The following MEIS1 variants were observed in gnomAD, a reference collection of about 807,000 sequenced individuals.
MEIS1 encodes the protein Meis homeobox 1.
A neutral mutation model predicts 50.8 loss-of-function variants in MEIS1; 5 were observed. The observed-to-expected ratio is 0.10, with a 90% CI of 0.05 to 0.21. The LOEUF is 0.21. Ranked by LOEUF, MEIS1 falls within the 10% of genes least tolerant of loss-of-function variation. The pLI is 1.00. For missense variants in MEIS1, 318 were observed against 517.3 expected, an observed-to-expected ratio of 0.61 and a Z score of 3.74; for synonymous variants, 176 against 179.3, an observed-to-expected ratio of 0.98 and a Z score of 0.15.
chr2:66,487,829 TACAAA>T (rs2103799812), intron 7 of MEIS1, among the ~76,000 whole-genome samples: 1 of 152,344 alleles, frequency 6.6e-6, no homozygotes, highest in East Asian at 1.9e-4. Flanking sequence ...AAAGTTTGCT[TACAAA>T]CCTAGCTAGA....
intron 7 of MEIS1, among the ~76,000 whole-genome samples, chr2:66,505,752 A>G (rs1051780383): frequency 1.3e-5 from 2 of 152,244 alleles, no homozygotes; most frequent in African/African-American, 4.8e-5. Context: ...TTAAATTATA[A>G]TTGCAGAAAG....
At position 66,435,566 on chromosome 2, in the gene MEIS1, T is replaced by C; in HGVS notation, c.-291T>C. 2.5e-6 allele frequency: 1 copy of C among 399,326 alleles called. No homozygotes were observed. Among genetic ancestry groups the C allele is most frequent in the South Asian group, 1.3e-4 (1 of 7,790 alleles). The allele number at this position is 399,326 out of a possible 1,614,324, so 24.7% of individuals were successfully genotyped here. On this transcript the variant is annotated 5_prime_UTR_variant, in exon 1 of 13. Transcript: ENST00000272369. ...CTTTTCTTTCTTTCTTTCTTTTTTT[T>C]TTTTTAAACTGATTTTTGGGGGAGA...
rs559111486 is a variant in MEIS1 at position 66,498,745 on chromosome 2, T to C, written c.743-13404T>C. Among the ~76,000 whole-genome samples, 6 of 152,282 alleles carry C rather than the reference T, an allele frequency of 3.9e-5. No individual in the cohort carries two copies. The South Asian group carries it at 1.2e-3, about 32-fold the overall frequency. ...ATTCATGTGCACCCAGCACACTTTCTAGCTTTATTTGCCTGGAGGGGAAGA... is the reference window on the plus strand; with the variant it reads ...ATTCATGTGCACCCAGCACACTTTCCAGCTTTATTTGCCTGGAGGGGAAGA... On this transcript the variant is annotated intron_variant, in intron 7 of 12. Transcript: ENST00000272369.
In MEIS1 at chr2:66,435,271, G is replaced by A. The variant is rs1671772881; in HGVS notation, c.-586G>A. 1 of 153,554 alleles carries A rather than the reference G, an allele frequency of 6.5e-6. No homozygotes were observed. The highest frequency in any genetic ancestry group is 6.5e-5 in the Admixed American group (1 of 15,322). The allele number at this position is 153,554 out of a possible 1,614,324, so 9.5% of individuals were successfully genotyped here. On this transcript the variant is annotated 5_prime_UTR_variant, in exon 1 of 13. In the 5' UTR this introduces an upstream ATG that the reference lacks. Coordinates refer to ENST00000272369, the MANE Select transcript of MEIS1 (RefSeq NM_002398.3). ...ACCCTCCTTCTCTAATCTCCTTCCA[G>A]TGCAGCACTTGCAAAGAGGGAGAGA...
chr2:66,482,835 G>A (rs1435976167), intron 7 of MEIS1, among the ~76,000 whole-genome samples: 1 of 152,140 alleles, frequency 6.6e-6, no homozygotes, highest in East Asian at 1.9e-4. Flanking sequence ...CAATATTCCT[G>A]ATGCCATCTA....
rs1212128695 is a variant in MEIS1 at position 66,469,053 on chromosome 2, A to G, written c.742+4833A>G. ...ATTTTCCTCTTTTGTGAGGATAAAG[A>G]AAAAGTATTATTTCTACATGGAAAT... On this transcript the variant is annotated intron_variant, in intron 7 of 12. Coordinates refer to ENST00000272369, the MANE Select transcript of MEIS1 (RefSeq NM_002398.3). 1.3e-5 allele frequency among the ~76,000 whole-genome samples: 2 copies of G among 152,216 alleles called. 1 individual carries two copies. Among genetic ancestry groups the G allele is most frequent in the East Asian group, 3.8e-4 (2 of 5,198 alleles).
intron 7 of MEIS1, among the ~76,000 whole-genome samples, chr2:66,473,222 T>C (rs1672804905): frequency 6.6e-6 from 1 of 150,972 alleles, no homozygotes; most frequent in Non-Finnish European, 1.5e-5. Flanking sequence ...CTACTAAAAA[T>C]ACAAAATTAG....
chr2:66,552,599 C>T (rs954913960), intron 9 of MEIS1, among the ~76,000 whole-genome samples: 1 of 152,180 alleles, frequency 6.6e-6, no homozygotes, highest in Admixed American at 6.5e-5. Context: ...AGCTGCAAAG[C>T]ATTCAGGCAT....
intron 2 of MEIS1, 88 bp from the exon 3 acceptor site, chr2:66,439,755 G>A: frequency 6.2e-7 from 1 of 1,604,180 alleles, no homozygotes; most frequent in Admixed American, 1.7e-5. Flanking sequence ...TGTTCCTCTT[G>A]CTCCTCCAGC....
chr2:66,556,844 T>C (rs180696484), intron 9 of MEIS1, among the ~76,000 whole-genome samples: 125 of 132,502 alleles, frequency 9.4e-4, no homozygotes, highest in Admixed American at 1.8e-3. Flanking sequence ...GCTGGTTACC[T>C]GACAATACTG....
At chr2:66,462,259 T>A (rs1672537219) in intron 6 of MEIS1, among the ~76,000 whole-genome samples, 1 of 152,156 alleles carries the variant, frequency 6.6e-6, no homozygotes, top group Admixed American at 6.5e-5. Context: ...TATCGCTAGC[T>A]TTTCTATTAA....
At chr2:66,482,641 G>A (rs910394569) in intron 7 of MEIS1, among the ~76,000 whole-genome samples, 1 of 152,202 alleles carries the variant, frequency 6.6e-6, no homozygotes, top group Non-Finnish European at 1.5e-5. Flanking sequence ...CATTCACGGA[G>A]ACCCTTCTGT....
chr2:66,449,670 A>G (rs149195289), intron 6 of MEIS1, among the ~76,000 whole-genome samples: 39 of 152,296 alleles, frequency 2.6e-4, no homozygotes, highest in African/African-American at 9.1e-4. Context: ...ATTCACTAAA[A>G]TATTTGTCAC....
At chr2:66,442,209 G>A (rs575436221) in intron 5 of MEIS1, among the ~76,000 whole-genome samples, 24 of 150,746 alleles carry the variant, frequency 1.6e-4, no homozygotes, top group African/African-American at 5.6e-4. Context: ...TGATGCCTGG[G>A]ACCTCTAGGA....
chr2:66,533,804 G>A (rs1484123122), intron 8 of MEIS1, among the ~76,000 whole-genome samples: 1 of 152,130 alleles, frequency 6.6e-6, no homozygotes, highest in Non-Finnish European at 1.5e-5. Context: ...TCACTTACAG[G>A]CAGCACACCC....
At chr2:66,535,896 A>G (rs1208149931) in intron 8 of MEIS1, among the ~76,000 whole-genome samples, 1 of 152,242 alleles carries the variant, frequency 6.6e-6, no homozygotes, top group African/African-American at 2.4e-5. Flanking sequence ...TAAAAACTGA[A>G]GTGCATGGTG....
intron 7 of MEIS1, among the ~76,000 whole-genome samples, chr2:66,487,192 G>C (rs1360588343): frequency 6.6e-6 from 1 of 152,144 alleles, no homozygotes; most frequent in Non-Finnish European, 1.5e-5. Context: ...GTGAAGCATT[G>C]CATTGACATT....
At chr2:66,461,304 G>C (rs968338484) in intron 6 of MEIS1, among the ~76,000 whole-genome samples, 6 of 152,148 alleles carry the variant, frequency 3.9e-5, no homozygotes, top group Admixed American at 3.9e-4. Flanking sequence ...GATTTGGGGG[G>C]AGTTCGTTCT....
chr2:66,436,156 A>G (rs965000088), intron 1 of MEIS1, among the ~76,000 whole-genome samples: 2 of 152,228 alleles, frequency 1.3e-5, no homozygotes, highest in African/African-American at 2.4e-5. Context: ...AAAAAGCTAG[A>G]TACCTAAAGC....
Sources: allele counts gnomAD v4.1 joint callset (sites outside exome capture counted in the v4.1 genomes callset), GRCh38; gene constraint gnomAD v4.1.1; transcripts MANE v1.5; gene names NCBI Gene and HGNC (gene_info 2026-07-23, HGNC 2026-07-21).